Variants in RIC3 observed in about 807,000 individuals in gnomAD.
The protein encoded by RIC3 is protein RIC-3.
In RIC3, 28 loss-of-function variants were observed where a neutral mutation model predicts 27.3. That is an observed-to-expected ratio of 1.02 (90% CI 0.76 to 1.41). The LOEUF (loss-of-function observed/expected upper bound fraction) is 1.41. Ranked by LOEUF, RIC3 falls within the 40% of genes most tolerant of loss-of-function variation. The pLI, the probability that RIC3 is intolerant of heterozygous loss-of-function variation, is 0.00. For missense variants in RIC3, 501 were observed against 444.7 expected (o/e 1.13, Z -1.14); for synonymous variants, 184 against 160.4 (o/e 1.15, Z -1.11).
At chr11:8,152,806 T>C (rs1253842913) in intron 1 of RIC3, among the ~76,000 whole-genome samples, 2 of 152,166 alleles carry the variant, frequency 1.3e-5, no homozygotes, top group African/African-American at 4.8e-5. Flanking sequence ...GATACTCTCA[T>C]ATGCTTCAAA....
chr11:8,117,907 G>C (rs181836301), intron 5 of RIC3, among the ~76,000 whole-genome samples: 82 of 152,118 alleles, frequency 5.4e-4, no homozygotes, highest in African/African-American at 1.9e-3. Flanking sequence ...GCCTATGTAA[G>C]CCATCATTAC....
chr11:8,097,468 C>G, the RIC3 span: 1 of 1,612,066 alleles, frequency 6.2e-7, no homozygotes. Context: ...CTTTACAGCC[C>G]TTTGAAATCC....
chr11:8,126,851 C>T lies in RIC3; in HGVS notation c.522-44G>A, dbSNP rs867250566. ...TCCAACCATTTAGTGGTAAATACTCCTAGGCAATGGACGTAAACATCACTA... is the reference window on the plus strand; with the variant it reads ...TCCAACCATTTAGTGGTAAATACTCTTAGGCAATGGACGTAAACATCACTA... On this transcript the variant is annotated intron_variant, in intron 4 of 5. Transcript: ENST00000309737. The T allele has an allele frequency of 3.1e-6, 5 of 1,610,534 alleles. No homozygotes were observed. The African/African-American group carries it at 4.0e-5, about 13-fold the overall frequency.
intron 4 of RIC3, among the ~76,000 whole-genome samples, chr11:8,136,733 T>G (rs187165682): frequency 6.6e-6 from 1 of 152,358 alleles, no homozygotes; most frequent in Non-Finnish European, 1.5e-5. Flanking sequence ...GAAAGCATCA[T>G]GTTCAATAAC....
intron 1 of RIC3, among the ~76,000 whole-genome samples, chr11:8,154,836 G>C (rs79108445): frequency 0.033 from 5,015 of 152,118 alleles, 277 homozygotes; most frequent in African/African-American, 0.11. Context: ...TTCTAATCTA[G>C]AAAACAAAAC....
intron 4 of RIC3, among the ~76,000 whole-genome samples, chr11:8,132,336 T>C (rs1037846371): frequency 2.0e-5 from 3 of 152,226 alleles, no homozygotes. Context: ...ACTATAAGAG[T>C]TATTTTTCTA....
the RIC3 span, chr11:8,095,464 C>G: frequency 1.9e-6 from 3 of 1,578,952 alleles, no homozygotes; most frequent in Non-Finnish European, 2.6e-6. Context: ...TCTCCTCCTC[C>G]TGGATGTAAC....
chr11:8,156,229 T>C (rs1950640579), intron 1 of RIC3, among the ~76,000 whole-genome samples: 1 of 152,224 alleles, frequency 6.6e-6, no homozygotes, highest in Admixed American at 6.5e-5. Flanking sequence ...AAGCTTCTAA[T>C]AGTTTCCACT....
the RIC3 span, among the ~76,000 whole-genome samples, chr11:8,096,161 G>A: frequency 6.6e-6 from 1 of 152,210 alleles, no homozygotes; most frequent in Non-Finnish European, 1.5e-5. Context: ...CCCAGGGAAT[G>A]GCAGGCGGGA....
At chr11:8,105,409 T>G (rs1944514886), downstream of RIC3, 1 of 152,196 alleles carries the variant, frequency 6.6e-6, no homozygotes, top group Non-Finnish European at 1.5e-5. Context: ...GGCTAGGCTC[T>G]TGTTTGAGTT....
the RIC3 span, chr11:8,100,583 C>G: frequency 3.7e-6 from 6 of 1,614,026 alleles, no homozygotes; most frequent in Non-Finnish European, 5.1e-6. Flanking sequence ...ATGAGAGAGT[C>G]TCTATCCGCC....
At chr11:8,114,156 C>T (rs967077229) in intron 5 of RIC3, among the ~76,000 whole-genome samples, 13 of 152,158 alleles carry the variant, frequency 8.5e-5, no homozygotes, top group Non-Finnish European at 1.3e-4. Context: ...ATGGCTTTTC[C>T]GGACAAAGCC....
At chr11:8,161,182 G>A (rs1219833774) in intron 1 of RIC3, among the ~76,000 whole-genome samples, 1 of 152,182 alleles carries the variant, frequency 6.6e-6, no homozygotes, top group Non-Finnish European at 1.5e-5. Flanking sequence ...AAGATACGGT[G>A]AACATAGAGT....
chr11:8,141,644 C>A (rs140925008), intron 1 of RIC3, among the ~76,000 whole-genome samples: 10,312 of 151,604 alleles, frequency 0.068, 388 homozygotes, highest in South Asian at 0.11. Context: ...ACAAGGATAC[C>A]CAGGAATTGA....
intron 4 of RIC3, 91 bp from the exon 5 acceptor site, chr11:8,126,898 T>G (rs138466391): frequency 1.0e-4 from 153 of 1,471,508 alleles, no homozygotes; most frequent in East Asian, 8.0e-4. Flanking sequence ...GGTACTGGAA[T>G]AGAAAGTGCA....
chr11:8,105,545 C>CACTACTGCACTTAGTAGCT (rs1307112008), downstream of RIC3: 6 of 152,190 alleles, frequency 3.9e-5, no homozygotes, highest in Admixed American at 1.3e-4. Context: ...TTATAGAAAG[C>CACTACTGCACTTAGTAGCT]ACTACTGCAC....
At chr11:8,098,168 T>A in the RIC3 span, among the ~76,000 whole-genome samples, 25 of 148,390 alleles carry the variant, frequency 1.7e-4, no homozygotes, top group African/African-American at 6.0e-4. Flanking sequence ...GGGCTGAGAG[T>A]GAGCTCTTGA....
rs945878180 is a variant in RIC3, at chr11:8,107,993, G to A, written c.*2705C>T. 13 of 152,084 alleles carry A rather than the reference G, an allele frequency of 8.5e-5. No individual in the cohort carries two copies. Among genetic ancestry groups the A allele is most frequent in the African/African-American group, 3.1e-4 (13 of 41,402 alleles). 9.4% of individuals were successfully genotyped at this position (152,084 alleles called of 1,614,324 possible). A position where few individuals can be genotyped will look rare whatever the true frequency, so the allele number is the denominator to read the frequency against. ...TACACATATAACTGTCATCCCCGAA[G>A]GATAAAATAATTCTGGAAAATCCAA... On this transcript the variant is annotated 3_prime_UTR_variant, in exon 6 of 6. Transcript: ENST00000309737.
At chr11:8,152,130 T>C (rs1336185464) in intron 1 of RIC3, among the ~76,000 whole-genome samples, 1 of 152,056 alleles carries the variant, frequency 6.6e-6, no homozygotes, top group Non-Finnish European at 1.5e-5. Context: ...AAAAAGGAAC[T>C]CTCATACGCT....
Sources: allele counts gnomAD v4.1 joint callset (sites outside exome capture counted in the v4.1 genomes callset), GRCh38; gene constraint gnomAD v4.1.1; transcripts MANE v1.5; gene names NCBI Gene and HGNC (gene_info 2026-07-23, HGNC 2026-07-21).